Variants in EML6 observed in about 807,000 individuals in gnomAD.
The protein encoded by EML6 is echinoderm microtubule-associated protein-like 6.
EML6 carries 154 observed loss-of-function variants against 240.1 expected under a neutral mutation model. That is an observed-to-expected ratio of 0.64 (90% CI 0.56 to 0.73). EML6 has a LOEUF of 0.73. Among genes scored for constraint, EML6 ranks in the 30% least tolerant of loss-of-function variants. The probability of loss-of-function intolerance (pLI) is 0.00; values close to 1 mark genes in which losing one functional copy is unlikely to be tolerated. For synonymous variants in EML6, 1,148 were observed against 899.0 expected (o/e 1.28, Z -4.95); for missense variants, 2,964 against 2,474.6 (o/e 1.20, Z -4.20).
At position 54,871,572 on chromosome 2, in the gene EML6, C is replaced by T. The variant is rs966482413; in HGVS notation, c.2311C>T (p.His771Tyr). The stretch of plus-strand genomic sequence containing the variant: ...ATGTTTGTCGCTGTTGAAAGGACAA[C>T]ATCAGAGAGGAGTGTGTGCACTTGA... ...LKCLSLLKGQ[H>Y]QRGVCALDFS... Residue 771 changes from histidine to tyrosine, a missense_variant, in exon 16 of 42, where the codon CAT becomes TAT. By Grantham distance (83) the His-to-Tyr change is moderately conservative. Transcript: ENST00000356458. 6.4e-7 allele frequency: 1 copy of T among 1,551,626 alleles called. No individual in the cohort carries two copies. Among genetic ancestry groups the T allele is most frequent in the African/African-American group, 1.4e-5 (1 of 73,174 alleles).
intron 24 of EML6, among the ~76,000 whole-genome samples, chr2:54,909,560 C>G (rs1229714965): frequency 6.6e-6 from 1 of 152,102 alleles, no homozygotes. Context: ...ATTAGCCAAG[C>G]TAGGCTGAGC....
At chr2:54,919,837 T>G (rs944281139) in intron 26 of EML6, among the ~76,000 whole-genome samples, 21 of 152,204 alleles carry the variant, frequency 1.4e-4, no homozygotes, top group African/African-American at 4.8e-4. Context: ...TCCAGGGAGG[T>G]ATATCTCAGG....
At chr2:54,866,644 G>T in intron 13 of EML6, 122 bp from the exon 14 acceptor site, 2 of 526,754 alleles carry the variant, frequency 3.8e-6, no homozygotes, top group Non-Finnish European at 7.0e-6. Context: ...TCATTCTCAT[G>T]TCTTAAGTTT....
At chr2:54,781,797 G>A (rs190464475) in intron 2 of EML6, among the ~76,000 whole-genome samples, 9 of 152,180 alleles carry the variant, frequency 5.9e-5, no homozygotes, top group Middle Eastern at 6.8e-3. Context: ...AGCCTCTCGA[G>A]TAGTTGGGAC....
intron 2 of EML6, among the ~76,000 whole-genome samples, chr2:54,804,344 T>C (rs1443446094): frequency 1.3e-5 from 2 of 152,246 alleles, no homozygotes; most frequent in African/African-American, 2.4e-5. Context: ...AAAGGATGAC[T>C]AGCTCCAGAA....
intron 2 of EML6, among the ~76,000 whole-genome samples, chr2:54,804,114 G>T (rs1670336442): frequency 6.6e-6 from 1 of 152,222 alleles, no homozygotes; most frequent in Non-Finnish European, 1.5e-5. Flanking sequence ...TACAAGAAAG[G>T]TAGAATGCTC....
Position 54,912,679 on chromosome 2 carries a change from G to A in EML6, c.3498+1637G>A, listed in dbSNP as rs77664226. 8.3e-3 allele frequency among the ~76,000 whole-genome samples: 1,258 copies of A among 152,210 alleles called. 23 individuals are homozygous for A. The highest frequency in any genetic ancestry group is 0.029 in the African/African-American group (1,201 of 41,510). On this transcript the variant is annotated intron_variant, in intron 25 of 41. Transcript: ENST00000356458. The stretch of plus-strand genomic sequence containing the variant: ...GTGGTATTTGGTATTCTGTTCCTGC[G>A]TTAATTCTCTTAATATAATGGCTTC...
intron 2 of EML6, among the ~76,000 whole-genome samples, chr2:54,793,458 T>C (rs1480240892): frequency 1.3e-5 from 2 of 150,522 alleles, no homozygotes; most frequent in Admixed American, 1.3e-4. Context: ...ATAAAATGTA[T>C]GCAAGCATAT....
chr2:54,879,832 G>C (rs1289367746), intron 17 of EML6, 192 bp downstream of exon 17: 1 of 570,744 alleles, frequency 1.8e-6, no homozygotes, highest in East Asian at 2.9e-5. Context: ...CATGTTTGTT[G>C]CGGTGAATCA....
chr2:54,887,802 A>G (rs1672232160), intron 17 of EML6, among the ~76,000 whole-genome samples: 1 of 152,154 alleles, frequency 6.6e-6, no homozygotes, highest in South Asian at 2.1e-4. Context: ...ATTGAGCAGA[A>G]AGTAGAGAGA....
intron 32 of EML6, 130 bp from the exon 33 acceptor site, chr2:54,957,660 G>A: frequency 1.3e-6 from 1 of 777,076 alleles, no homozygotes; most frequent in East Asian, 2.7e-5. Context: ...GTCTGAAGGG[G>A]AGAGAGTGCT....
At chr2:54,913,233 C>G (rs370164645) in intron 25 of EML6, among the ~76,000 whole-genome samples, 1 of 150,872 alleles carries the variant, frequency 6.6e-6, no homozygotes, top group Non-Finnish European at 1.5e-5. Context: ...CTTTTCATAT[C>G]TTTTGCCCAC....
chr2:54,904,542 C>T (rs1673216752), intron 24 of EML6, among the ~76,000 whole-genome samples: 1 of 152,008 alleles, frequency 6.6e-6, no homozygotes, highest in African/African-American at 2.4e-5. Flanking sequence ...ATAGCGCTAT[C>T]AAGGAAGAGC....
At chr2:54,830,904 A>G (rs1417015014) in intron 7 of EML6, among the ~76,000 whole-genome samples, 1 of 152,166 alleles carries the variant, frequency 6.6e-6, no homozygotes, top group Non-Finnish European at 1.5e-5. Context: ...TCTGAATACT[A>G]GGCACAGAGT....
At chr2:54,888,729 T>G (rs1672291605) in intron 17 of EML6, among the ~76,000 whole-genome samples, 1 of 152,260 alleles carries the variant, frequency 6.6e-6, no homozygotes, top group Non-Finnish European at 1.5e-5. Context: ...TAATATCCAT[T>G]GTCTGGATGT....
intron 2 of EML6, among the ~76,000 whole-genome samples, chr2:54,749,140 C>T (rs536368436): frequency 1.2e-4 from 19 of 152,260 alleles, no homozygotes; most frequent in Non-Finnish European, 1.8e-4. Context: ...ATATTCCTGA[C>T]GGCTTCCTCT....
chr2:54,951,051 A>G (rs979231005), intron 30 of EML6, among the ~76,000 whole-genome samples: 2 of 152,196 alleles, frequency 1.3e-5, no homozygotes, highest in East Asian at 1.9e-4. Context: ...ACCGACAGCC[A>G]TGGAGAAAAG....
At chr2:54,780,943 G>A (rs544439368) in intron 2 of EML6, among the ~76,000 whole-genome samples, 5 of 152,160 alleles carry the variant, frequency 3.3e-5, no homozygotes, top group South Asian at 2.1e-4. Flanking sequence ...TTCTTTGGGC[G>A]GTTAAGAAAG....
chr2:54,945,610 G>T (rs899957230), intron 28 of EML6, among the ~76,000 whole-genome samples: 1 of 152,056 alleles, frequency 6.6e-6, no homozygotes, highest in Non-Finnish European at 1.5e-5. Flanking sequence ...CAACTGACTC[G>T]TGACCTCAGT....
Sources: allele counts gnomAD v4.1 joint callset (sites outside exome capture counted in the v4.1 genomes callset), GRCh38; gene constraint gnomAD v4.1.1; transcripts MANE v1.5; gene names NCBI Gene and HGNC (gene_info 2026-07-23, HGNC 2026-07-21).